Variants in TAFA4 observed in about 807,000 individuals in gnomAD.
TAFA4 encodes the protein chemokine-like protein TAFA-4.
Under a neutral mutation model 21.1 loss-of-function variants are expected in TAFA4, and 20 were observed. The observed-to-expected ratio is 0.95, with a 90% CI of 0.67 to 1.38. TAFA4 has a LOEUF of 1.38. TAFA4 is among the 40% of genes most tolerant of loss of function. The pLI is 0.00. For synonymous variants in TAFA4, 71 were observed against 67.4 expected (o/e 1.05, Z -0.26); for missense variants, 211 against 180.9 (o/e 1.17, Z -0.95).
intron 1 of TAFA4, chr3:68,916,142 G>A (rs1253017333): frequency 2.6e-5 from 4 of 152,228 alleles, no homozygotes; most frequent in African/African-American, 9.7e-5. Context: ...TCCATCTAAT[G>A]TTAATCATTT....
chr3:68,740,272 C>A (rs959609200), intron 4 of TAFA4, among the ~76,000 whole-genome samples: 2 of 152,194 alleles, frequency 1.3e-5, no homozygotes, highest in East Asian at 1.9e-4. Context: ...TCTTTGATTG[C>A]AGGTTACAAT....
At chr3:68,768,396 G>C (rs1158439949) in intron 3 of TAFA4, among the ~76,000 whole-genome samples, 1 of 152,096 alleles carries the variant, frequency 6.6e-6, no homozygotes, top group Non-Finnish European at 1.5e-5. Flanking sequence ...AAGCCACAAT[G>C]AGACATCACC....
intron 4 of TAFA4, among the ~76,000 whole-genome samples, chr3:68,746,543 A>T (rs1702460952): frequency 1.3e-5 from 2 of 152,170 alleles, no homozygotes. Context: ...TTATTATTTC[A>T]AGATTCTGTG....
chr3:68,748,464 C>T lies in TAFA4; in HGVS notation c.286+4399G>A, dbSNP rs529258264. On this transcript the variant is annotated intron_variant, in intron 4 of 5. Transcript: ENST00000295569. Reference sequence around the variant, plus strand: ...GAATTGACATCTTGAAAAAGTGGGCCGGGTGCGGTGGCTCATGCCTGTAAT... The same window carrying T: ...GAATTGACATCTTGAAAAAGTGGGCTGGGTGCGGTGGCTCATGCCTGTAAT... 2.6e-5 allele frequency among the ~76,000 whole-genome samples: 4 copies of T among 152,258 alleles called. No homozygotes were observed. The South Asian group carries it at 6.2e-4, about 24-fold the overall frequency.
chr3:68,787,938 A>T (rs946484568), intron 3 of TAFA4, among the ~76,000 whole-genome samples: 1 of 152,192 alleles, frequency 6.6e-6, no homozygotes, highest in Non-Finnish European at 1.5e-5. Flanking sequence ...AGTACTTAAA[A>T]ATCAAGAGAT....
rs944973854 is a variant in TAFA4, at chr3:68,853,754, A to G, written c.130+26976T>C. ...GCTAAGGGCAGGTAAGAAGGCCCCAAGTTGGAGGCATTCTGGATCCTCCAC... is the reference window on the plus strand; with the variant it reads ...GCTAAGGGCAGGTAAGAAGGCCCCAGGTTGGAGGCATTCTGGATCCTCCAC... On this transcript the variant is annotated intron_variant, in intron 3 of 5. Coordinates refer to ENST00000295569, the MANE Select transcript of TAFA4 (RefSeq NM_182522.5). Among the ~76,000 whole-genome samples the G allele has an allele frequency of 1.6e-4, 24 of 152,214 alleles. No homozygotes were observed. In the East Asian group the frequency reaches 2.3e-3, roughly 15 times the overall value.
intron 3 of TAFA4, among the ~76,000 whole-genome samples, chr3:68,837,839 G>C (rs1293669273): frequency 6.6e-6 from 1 of 151,046 alleles, no homozygotes; most frequent in South Asian, 2.1e-4. Context: ...TTTTTGTTTT[G>C]GTTTGTGTTT....
In TAFA4 at chr3:68,927,665, G is replaced by A. The variant is rs141214242; in HGVS notation, c.-123+4575C>T. On this transcript the variant is annotated intron_variant, in intron 1 of 5. Coordinates refer to ENST00000295569, the MANE Select transcript of TAFA4 (RefSeq NM_182522.5). ...TGTAGTGTCAACACTTTGAGAGGCCGAGACAGGAGGGTTGCTTTAGCCCAG... is the reference window on the plus strand; with the variant it reads ...TGTAGTGTCAACACTTTGAGAGGCCAAGACAGGAGGGTTGCTTTAGCCCAG... Among the ~76,000 whole-genome samples, 343 of 152,252 alleles carry A rather than the reference G, an allele frequency of 2.3e-3. 1 individual carries two copies. Among genetic ancestry groups the A allele is most frequent in the Non-Finnish European group, 3.9e-3 (262 of 68,012 alleles).
At chr3:68,767,799 T>C (rs928071093) in intron 3 of TAFA4, among the ~76,000 whole-genome samples, 1 of 152,054 alleles carries the variant, frequency 6.6e-6, no homozygotes, top group African/African-American at 2.4e-5. Flanking sequence ...TATATATATT[T>C]CCACATATCA....
At chr3:68,874,510 T>C (rs966055579) in intron 3 of TAFA4, among the ~76,000 whole-genome samples, 2 of 152,192 alleles carry the variant, frequency 1.3e-5, no homozygotes, top group Non-Finnish European at 2.9e-5. Flanking sequence ...AGATGAGGTA[T>C]TGACCTGTAG....
intron 3 of TAFA4, among the ~76,000 whole-genome samples, chr3:68,880,490 G>T (rs1007959543): frequency 2.6e-5 from 4 of 152,018 alleles, no homozygotes; most frequent in African/African-American, 9.7e-5. Flanking sequence ...GAGAAAAACT[G>T]CTATAAAAAT....
chr3:68,833,410 G>A (rs1470347306), intron 3 of TAFA4, among the ~76,000 whole-genome samples: 1 of 152,152 alleles, frequency 6.6e-6, no homozygotes, highest in Non-Finnish European at 1.5e-5. Context: ...CGTACAGCCA[G>A]AGTCTAGAAT....
At chr3:68,810,457 T>C (rs760337399) in intron 3 of TAFA4, among the ~76,000 whole-genome samples, 5 of 151,996 alleles carry the variant, frequency 3.3e-5, no homozygotes, top group Non-Finnish European at 7.4e-5. Context: ...ATCTGGAAAA[T>C]CGGGTCACTC....
intron 3 of TAFA4, among the ~76,000 whole-genome samples, chr3:68,800,476 C>A (rs1481927018): frequency 6.6e-6 from 1 of 152,230 alleles, no homozygotes; most frequent in East Asian, 1.9e-4. Context: ...GGGATTCTAT[C>A]CCAGTCACTT....
At chr3:68,763,056 A>G (rs1466138040) in intron 3 of TAFA4, among the ~76,000 whole-genome samples, 1 of 152,174 alleles carries the variant, frequency 6.6e-6, no homozygotes, top group African/African-American at 2.4e-5. Flanking sequence ...TCTTTTTGAG[A>G]CACAGTGATG....
chr3:68,890,451 G>A (rs1390180516), intron 1 of TAFA4, among the ~76,000 whole-genome samples: 1 of 152,108 alleles, frequency 6.6e-6, no homozygotes, highest in Non-Finnish European at 1.5e-5. Context: ...TGAATGTTGT[G>A]GTTAATTCAA....
intron 3 of TAFA4, among the ~76,000 whole-genome samples, chr3:68,871,484 A>G (rs1312235546): frequency 1.3e-5 from 2 of 152,176 alleles, no homozygotes; most frequent in African/African-American, 2.4e-5. Flanking sequence ...TATTAGAAGC[A>G]AAAACTGGGG....
chr3:68,761,965 T>C (rs1702762298), intron 3 of TAFA4, among the ~76,000 whole-genome samples: 1 of 152,074 alleles, frequency 6.6e-6, no homozygotes, highest in Non-Finnish European at 1.5e-5. Context: ...ACAAGGAGCT[T>C]GGTTGTTAAA....
At chr3:68,931,803 C>T (rs996946289) in intron 1 of TAFA4, among the ~76,000 whole-genome samples, 1 of 152,146 alleles carries the variant, frequency 6.6e-6, no homozygotes, top group Admixed American at 6.5e-5. Context: ...GACCGGCTCC[C>T]ACCTGCTTGC....
Sources: gnomAD v4.1 joint callset for allele counts (sites outside exome capture counted in the v4.1 genomes callset) on GRCh38, gnomAD v4.1.1 for gene constraint, MANE v1.5 for transcripts, NCBI Gene and HGNC (gene_info 2026-07-23, HGNC 2026-07-21) for gene names.